CAPN10: variants seen among roughly 807,000 people sequenced by gnomAD.
CAPN10 encodes calpain 10.
Under a neutral mutation model 78.4 loss-of-function variants are expected in CAPN10, and 71 were observed. That is an observed-to-expected ratio of 0.91 (90% CI 0.75 to 1.10). The LOEUF is 1.10. CAPN10 is among the 50% of genes least tolerant of loss of function. CAPN10 has a pLI of 0.00. For missense variants in CAPN10, 849 were observed against 924.6 expected, an observed-to-expected ratio of 0.92 and a Z score of 1.06; for synonymous variants, 437 against 407.2, an observed-to-expected ratio of 1.07 and a Z score of -0.88.
chr2:240,589,663 G>A (rs536480834), intron 2 of CAPN10, 189 bp downstream of exon 2: 129 of 739,704 alleles, frequency 1.7e-4, no homozygotes, highest in Non-Finnish European at 2.3e-4. Flanking sequence ...GCTGCAGGGG[G>A]GGGTGCCTTG....
At chr2:240,589,873 G>C (rs1002348723) in intron 2 of CAPN10, 6 of 175,446 alleles carry the variant, frequency 3.4e-5, no homozygotes, top group Non-Finnish European at 7.2e-5. Flanking sequence ...TTGAATATAA[G>C]TTTGCAAAAA....
chr2:240,595,223 G>A lies in CAPN10; in HGVS notation c.1197G>A (p.Leu399=). ...ACTGGGCAGGCCGGGCCCGGGCACT[G>A]GTGGGTGACAGTCATACTTCGTGGA... ...AADWAGRARA[L]VGDSHTSWSP... The change falls in exon 7 of 12, where the codon CTG becomes CTA. Residue 399 remains leucine, a synonymous_variant. Transcript: ENST00000391984. The A allele has an allele frequency of 6.2e-7, 1 of 1,613,706 alleles. No homozygotes were observed. The highest frequency in any genetic ancestry group is 8.5e-7 in the Non-Finnish European group (1 of 1,180,026).
chr2:240,592,078 A>G lies in CAPN10; in HGVS notation c.616A>G (p.Arg206Gly), dbSNP rs774356046. The G allele has an allele frequency of 3.1e-6, 5 of 1,604,120 alleles. No homozygotes were observed. The Admixed American group carries it at 8.7e-5, about 28-fold the overall frequency. Residue 206 changes from arginine to glycine, a missense_variant, in exon 4 of 12, where the codon AGG becomes GGG. Physicochemically the swap from Arg to Gly is moderately radical, Grantham distance 125. Coordinates refer to ENST00000391984, the MANE Select transcript of CAPN10 (RefSeq NM_023083.4). The part of the protein sequence containing the change: ...QQDRPGRWEH[R>G]TCRQLLHLKD... ...GGACAGGCCAGGCCGCTGGGAGCAC[A>G]GGACTTGTCGGCAGCTGCTCCACCT...
Position 240,587,018 on chromosome 2 carries a change from A to G in CAPN10, c.107A>G (p.Gln36Arg). The G allele has an allele frequency of 2.7e-6, 4 of 1,464,034 alleles. No individual in the cohort carries two copies. The highest frequency in any genetic ancestry group is 3.6e-6 in the Non-Finnish European group (4 of 1,104,236). 90.7% of individuals were successfully genotyped at this position (1,464,034 alleles called of 1,614,324 possible). A position where few individuals can be genotyped will look rare whatever the true frequency, so the allele number is the denominator to read the frequency against. Residue 36 changes from glutamine to arginine, a missense_variant, in exon 1 of 12, where the codon CAG becomes CGG. Transcript: ENST00000391984. ...LFCDLSTPLA[Q>R]FREDITWRRP... ...TGCGACTTGTCTACGCCGCTGGCCC[A>G]GTTCCGCGAGGACATCACGTGGAGG...
Position 240,596,407 on chromosome 2 carries a change from A to G in CAPN10, c.1367A>G (p.His456Arg). 6.2e-7 allele frequency: 1 copy of G among 1,613,528 alleles called. No individual in the cohort carries two copies. The highest frequency in any genetic ancestry group is 1.3e-5 in the African/African-American group (1 of 75,034). ...TACHAYDREV[H>R]LRCELSPGYY... is the part of the protein sequence containing the mutation. ...TGCCATGCATACGACCGGGAGGTCCACCTGCGTTGTGAGCTCTCACCGGGC... is the reference window on the plus strand; with the variant it reads ...TGCCATGCATACGACCGGGAGGTCCGCCTGCGTTGTGAGCTCTCACCGGGC... Residue 456 changes from histidine (H) to arginine (R), a missense_variant, in exon 8 of 12, where the codon CAC becomes CGC. His to Arg is a conservative substitution (Grantham distance 29). Transcript: ENST00000391984.
At chr2:240,595,511 C>G (rs1162552269) in intron 7 of CAPN10, 1 of 619,804 alleles carries the variant, frequency 1.6e-6, no homozygotes, top group African/African-American at 1.8e-5. Flanking sequence ...GGTCTTTCTG[C>G]CTTGCCGTGT....
chr2:240,590,574 C>T, intron 2 of CAPN10: 1 of 501,202 alleles, frequency 2.0e-6, no homozygotes, highest in Non-Finnish European at 3.6e-6. Context: ...CCGAAGAGTT[C>T]TCTGCGACAT....
intron 7 of CAPN10, 74 bp downstream of exon 7, chr2:240,595,378 A>G (rs1021277688): frequency 2.0e-6 from 3 of 1,501,324 alleles, no homozygotes; most frequent in African/African-American, 1.4e-5. Flanking sequence ...GGGTTCTAGG[A>G]CTGGCTCTGC....
At position 240,596,782 on chromosome 2, in the gene CAPN10, C is replaced by T. The variant is rs767033655; in HGVS notation, c.1583C>T (p.Thr528Met). ...CGGGGTTCTTGGAGAGTCGGCCAGA[C>T]GGCGGGGGGCAGCAGGAACTTTGCC... ...QLRGSWRVGQTAGGSRNFASY... is the reference protein window; with the variant it reads ...QLRGSWRVGQMAGGSRNFASY... The change falls in exon 9 of 12, where the codon ACG becomes ATG. Residue 528 changes from threonine (T) to methionine (M), a missense_variant. Physicochemically the swap from Thr to Met is moderately conservative, Grantham distance 81. Transcript: ENST00000391984. 9.9e-6 allele frequency: 16 copies of T among 1,612,482 alleles called. No individual in the cohort carries two copies. Among genetic ancestry groups the T allele is most frequent in the South Asian group, 3.3e-5 (3 of 91,010 alleles).
Position 240,596,953 on chromosome 2 carries a change from T to G in CAPN10, c.1743+11T>G. 1 of 1,613,380 alleles carries G rather than the reference T, an allele frequency of 6.2e-7. No homozygotes were observed. The highest frequency in any genetic ancestry group is 8.5e-7 in the Non-Finnish European group (1 of 1,180,018). ...TTCCATATCTTCCAGGCAAGCTCCT[T>G]GCCCCAGGGAGGGAGGGGGAGCAGA... On this transcript the variant is annotated intron_variant, in intron 9 of 11. Transcript: ENST00000391984.
In CAPN10 at chr2:240,598,710, A is replaced by C. The variant is rs1187553444; in HGVS notation, c.*30A>C. The C allele has an allele frequency of 3.2e-6, 5 of 1,560,272 alleles. No individual in the cohort carries two copies. The Admixed American group carries it at 5.8e-5, about 18-fold the overall frequency. On this transcript the variant is annotated 3_prime_UTR_variant, in exon 12 of 12. Coordinates refer to ENST00000391984, the MANE Select transcript of CAPN10 (RefSeq NM_023083.4). ...GTGGCCCCCTGTGCCAGCTCAGGTG[A>C]CTGGAGCCCGAGGGCCTGACAGGTT...
At position 240,596,360 on chromosome 2, in the gene CAPN10, G is replaced by A. The variant is rs1389957124; in HGVS notation, c.1320G>A (p.Met440Ile). The A allele has an allele frequency of 1.2e-6, 2 of 1,612,420 alleles. No individual in the cohort carries two copies. Among genetic ancestry groups the A allele is most frequent in the African/African-American group, 1.3e-5 (1 of 74,924 alleles). The change falls in exon 8 of 12, where the codon ATG becomes ATA. Residue 440 changes from methionine to isoleucine, a missense_variant. Coordinates refer to ENST00000391984, the MANE Select transcript of CAPN10 (RefSeq NM_023083.4). ...TCAATCTGCCTAGGGTCCTGTCCAT[G>A]CCCCCCGTGGCTGGCACCGCGTGCC... Reference protein sequence around the residue: ...RRVNLPRVLSMPPVAGTACHA... With the variant: ...RRVNLPRVLSIPPVAGTACHA...
Position 240,591,689 on chromosome 2 carries a change from G to A in CAPN10, c.471-244G>A, listed in dbSNP as rs72561769. On this transcript the variant is annotated intron_variant, in intron 3 of 11. Transcript: ENST00000391984. Reference sequence around the variant, plus strand: ...CCTGCCCTGCTCCTGTGCCCACACCGGATGCCAGAGAGTTTCTGTGTGTGG... The same window carrying A: ...CCTGCCCTGCTCCTGTGCCCACACCAGATGCCAGAGAGTTTCTGTGTGTGG... The A allele has an allele frequency of 4.6e-4, 260 of 564,386 alleles. No individual in the cohort carries two copies. Among genetic ancestry groups the A allele is most frequent in the Middle Eastern group, 3.7e-3 (8 of 2,174 alleles). The allele number at this position is 564,386 out of a possible 1,614,324, so 35.0% of individuals were successfully genotyped here. A position where few individuals can be genotyped will look rare whatever the true frequency, so the allele number is the denominator to read the frequency against.
In CAPN10 at chr2:240,598,370, G is replaced by A. The variant is rs773087029; in HGVS notation, c.1962G>A (p.Gln654=). The A allele has an allele frequency of 3.1e-6, 5 of 1,613,732 alleles. No individual in the cohort carries two copies. Among genetic ancestry groups the A allele is most frequent in the South Asian group, 1.1e-5 (1 of 91,090 alleles). ...TCCACAGGCCATCCATTCACAGCCA[G>A]GAGATGCTGGGCCAGTTCCTCCAAG... ...TRIDRPSIHS[Q]EMLGQFLQEV... Residue 654 remains glutamine (Q), a synonymous_variant, in exon 11 of 12, where the codon CAG becomes CAA. Transcript: ENST00000391984.
intron 11 of CAPN10, 68 bp downstream of exon 11, chr2:240,598,465 C>T: frequency 1.3e-6 from 2 of 1,562,748 alleles, no homozygotes; most frequent in Non-Finnish European, 1.8e-6. Context: ...GGTCTACCTG[C>T]AACCTCAGGC....
Position 240,597,961 on chromosome 2 carries a change from A to G in CAPN10, c.1817A>G (p.His606Arg). ...LQEPLLSCVP[H>R]RYAQEVSRLC... Reference sequence around the variant, plus strand: ...GAGCCGCTGCTGAGCTGCGTGCCACATCGCTACGCCCAGGAGGTGAGCCGG... The same window carrying G: ...GAGCCGCTGCTGAGCTGCGTGCCACGTCGCTACGCCCAGGAGGTGAGCCGG... Residue 606 changes from histidine (H) to arginine (R), a missense_variant, in exon 10 of 12, where the codon CAT becomes CGT. His to Arg is a conservative substitution (Grantham distance 29). Transcript: ENST00000391984. The G allele has an allele frequency of 2.5e-6, 4 of 1,612,980 alleles. No individual in the cohort carries two copies. Among genetic ancestry groups the G allele is most frequent in the Non-Finnish European group, 3.4e-6 (4 of 1,179,936 alleles).
chr2:240,595,791 C>A (rs7598782), intron 7 of CAPN10: 1 of 510,986 alleles, frequency 2.0e-6, no homozygotes, highest in Non-Finnish European at 3.6e-6. Flanking sequence ...CAGGCAGTCC[C>A]AGGCTCAACC....
intron 4 of CAPN10, among the ~76,000 whole-genome samples, chr2:240,593,558 A>G (rs1053674744): frequency 2.0e-5 from 3 of 152,222 alleles, no homozygotes; most frequent in Non-Finnish European, 4.4e-5. Context: ...GCAGTTGCAG[A>G]TGCATCTGTG....
chr2:240,598,126 G>C, intron 10 of CAPN10, 39 bp downstream of exon 10: 1 of 1,571,866 alleles, frequency 6.4e-7, no homozygotes, highest in Non-Finnish European at 8.7e-7. Context: ...GCTGGAGGCT[G>C]GGGTGCTGGA....
Sources: allele counts gnomAD v4.1 joint callset (sites outside exome capture counted in the v4.1 genomes callset), GRCh38; gene constraint gnomAD v4.1.1; transcripts MANE v1.5; gene names NCBI Gene and HGNC (gene_info 2026-07-23, HGNC 2026-07-21).